The following HEPHL1 variants were observed in gnomAD, a reference collection of about 807,000 sequenced individuals.
HEPHL1 encodes ferroxidase HEPHL1.
In HEPHL1, 123 loss-of-function variants were observed where a neutral mutation model predicts 122.0. The observed-to-expected ratio is 1.01, with a 90% confidence interval of 0.87 to 1.17. The LOEUF is 1.17. Among genes scored for constraint, HEPHL1 ranks in the 50% most tolerant of loss-of-function variants. The pLI is 0.00. For missense variants in HEPHL1, 1,452 were observed against 1,430.5 expected (o/e 1.01, Z -0.24); for synonymous variants, 527 against 508.9 (o/e 1.04, Z -0.48).
At chr11:94,021,726 T>C (rs1945584144) in intron 1 of HEPHL1, among the ~76,000 whole-genome samples, 188 bp downstream of exon 1, 1 of 152,162 alleles carries the variant, frequency 6.6e-6, no homozygotes, top group Non-Finnish European at 1.5e-5. Flanking sequence ...TATTCATAGC[T>C]CCATGTATTT....
intron 1 of HEPHL1, among the ~76,000 whole-genome samples, chr11:94,032,781 T>A (rs1222851645): frequency 1.3e-5 from 2 of 152,098 alleles, no homozygotes; most frequent in African/African-American, 4.8e-5. Flanking sequence ...AACCTGAAAC[T>A]GGTGATCAGC....
chr11:94,084,336 T>TTAAATAAATAAATAAA (rs5793669), intron 10 of HEPHL1, among the ~76,000 whole-genome samples: 1 of 146,770 alleles, frequency 6.8e-6, no homozygotes, highest in Non-Finnish European at 1.5e-5. Flanking sequence ...CTCTCTCTGT[T>TTAAATAAATAAATAAA]TAAATAAATA....
intron 7 of HEPHL1, 61 bp downstream of exon 7, chr11:94,073,225 A>C: frequency 6.2e-7 from 1 of 1,608,716 alleles, no homozygotes; most frequent in Non-Finnish European, 8.5e-7. Flanking sequence ...GGGCATGTAC[A>C]TCTGCACAGA....
chr11:94,021,597 G>A (rs1945582820), intron 1 of HEPHL1, 59 bp downstream of exon 1: 2 of 1,326,064 alleles, frequency 1.5e-6, no homozygotes, highest in East Asian at 2.3e-5. Context: ...GACTTTGTGT[G>A]GGGAAGGTTG....
At chr11:94,047,144 C>A (rs1260925155) in intron 2 of HEPHL1, among the ~76,000 whole-genome samples, 3 of 152,198 alleles carry the variant, frequency 2.0e-5, no homozygotes, top group Non-Finnish European at 4.4e-5. Context: ...TGAGGATGAG[C>A]ACAAAAATTG....
At chr11:94,060,340 AATAT>A (rs1945977491) in intron 2 of HEPHL1, among the ~76,000 whole-genome samples, 2 of 151,626 alleles carry the variant, frequency 1.3e-5, no homozygotes, top group Admixed American at 6.6e-5. Flanking sequence ...TATGTGTGTA[AATAT>A]ATATATGGTG....
intron 6 of HEPHL1, among the ~76,000 whole-genome samples, chr11:94,072,074 A>G (rs1188059927): frequency 1.3e-5 from 2 of 152,138 alleles, no homozygotes; most frequent in African/African-American, 4.8e-5. Context: ...AGCAATAACA[A>G]TTGCCATTTT....
Position 94,075,251 on chromosome 11 carries a change from C to G in HEPHL1, c.1582C>G (p.Pro528Ala), listed in dbSNP as rs1946110944. The change falls in exon 9 of 20, where the codon CCA becomes GCA. Residue 528 changes from proline to alanine, a missense_variant. Physicochemically the swap from Pro to Ala is conservative, Grantham distance 27. Transcript: ENST00000315765. ...GTGGACAGTGCCTGAGAGCGTAAGC[C>G]CAACTGCTGGTGATCCTCCCTGTCT... The part of the protein sequence containing the change: ...YKWTVPESVS[P>A]TAGDPPCLTY... 2.5e-6 allele frequency: 4 copies of G among 1,613,374 alleles called. No homozygotes were observed. The Admixed American group carries it at 6.7e-5, about 27-fold the overall frequency.
chr11:94,045,371 A>T (rs1465167030), intron 1 of HEPHL1, among the ~76,000 whole-genome samples: 1 of 152,246 alleles, frequency 6.6e-6, no homozygotes, highest in Non-Finnish European at 1.5e-5. Context: ...AGTTAAATGA[A>T]AAAGCAAAGG....
At chr11:94,035,626 G>C (rs113802558) in intron 1 of HEPHL1, among the ~76,000 whole-genome samples, 1,568 of 152,332 alleles carry the variant, frequency 0.01, 27 homozygotes, top group African/African-American at 0.035. Flanking sequence ...TATATCCTGG[G>C]AGAGTTCTTA....
At chr11:94,048,708 T>G (rs1230272465) in intron 2 of HEPHL1, among the ~76,000 whole-genome samples, 1 of 152,110 alleles carries the variant, frequency 6.6e-6, no homozygotes, top group African/African-American at 2.4e-5. Context: ...TCAGAGTCCC[T>G]GAAAACATTC....
At chr11:94,044,763 C>CTTTT (rs112232970) in intron 1 of HEPHL1, among the ~76,000 whole-genome samples, 2 of 136,386 alleles carry the variant, frequency 1.5e-5, no homozygotes, top group African/African-American at 2.8e-5. Flanking sequence ...TTCTCCAAAC[C>CTTTT]TTTTTTTTTT....
At chr11:94,105,191 G>C (rs952060901) in intron 16 of HEPHL1, among the ~76,000 whole-genome samples, 3 of 152,108 alleles carry the variant, frequency 2.0e-5, no homozygotes, top group African/African-American at 7.2e-5. Flanking sequence ...TAGTTTGTTG[G>C]TGGGAGTAAT....
chr11:94,080,030 A>G (rs568546034), intron 9 of HEPHL1, among the ~76,000 whole-genome samples: 4 of 152,338 alleles, frequency 2.6e-5, no homozygotes, highest in Admixed American at 2.6e-4. Flanking sequence ...GCATCATACT[A>G]CCCGACTTCA....
intron 2 of HEPHL1, chr11:94,055,817 C>G: frequency 2.2e-6 from 1 of 449,984 alleles, no homozygotes; most frequent in South Asian, 2.1e-5. Flanking sequence ...AAATGAGTTC[C>G]TTTCCATACT....
At chr11:94,077,254 C>T (rs972194480) in intron 9 of HEPHL1, among the ~76,000 whole-genome samples, 2 of 151,960 alleles carry the variant, frequency 1.3e-5, no homozygotes, top group Non-Finnish European at 2.9e-5. Context: ...AAAATTTTGC[C>T]GATTGTCTCA....
Position 94,021,658 on chromosome 11 carries a change from G to T in HEPHL1, c.170+120G>T, listed in dbSNP as rs73568863. On this transcript the variant is annotated intron_variant, in intron 1 of 19. Transcript: ENST00000315765. ...GTGAGTTGATCTAGACCAAGAGAAGGTGTTTTGTTTTTTGCTTGAAGAGCC... is the reference window on the plus strand; with the variant it reads ...GTGAGTTGATCTAGACCAAGAGAAGTTGTTTTGTTTTTTGCTTGAAGAGCC... The T allele has an allele frequency of 2.7e-3, 2,148 of 794,062 alleles. 29 individuals carry two copies. In the African/African-American group the frequency reaches 0.033, roughly 12 times the overall value. The allele number at this position is 794,062 out of a possible 1,614,324, so 49.2% of individuals were successfully genotyped here.
At chr11:94,025,125 G>A (rs1212943390) in intron 1 of HEPHL1, among the ~76,000 whole-genome samples, 1 of 152,146 alleles carries the variant, frequency 6.6e-6, no homozygotes, top group Non-Finnish European at 1.5e-5. Context: ...ATAGCCCTCA[G>A]ATGGTGCAAA....
At chr11:94,103,532 A>G (rs1946386216) in intron 15 of HEPHL1, among the ~76,000 whole-genome samples, 2 of 152,304 alleles carry the variant, frequency 1.3e-5, no homozygotes, top group South Asian at 4.1e-4. Flanking sequence ...AAGAAAGTTC[A>G]CTCTAAACAT....
Sources: gnomAD v4.1 joint callset for allele counts (sites outside exome capture counted in the v4.1 genomes callset) on GRCh38, gnomAD v4.1.1 for gene constraint, MANE v1.5 for transcripts, NCBI Gene and HGNC (gene_info 2026-07-23, HGNC 2026-07-21) for gene names.